Variants in PIK3AP1 observed in about 807,000 individuals in gnomAD.
The protein encoded by PIK3AP1 is phosphoinositide 3-kinase adapter protein 1.
Under a neutral mutation model 88.1 loss-of-function variants are expected in PIK3AP1, and 21 were observed. That is an observed-to-expected ratio of 0.24 (90% CI 0.17 to 0.34). The LOEUF (loss-of-function observed/expected upper bound fraction) is 0.34. PIK3AP1 is among the 10% of genes least tolerant of loss of function. The pLI is 1.00. For missense variants in PIK3AP1, 828 were observed against 1,035.7 expected (o/e 0.80, Z 2.75); for synonymous variants, 398 against 400.0 (o/e 1.00, Z 0.06).
intron 2 of PIK3AP1, among the ~76,000 whole-genome samples, chr10:96,703,599 A>G (rs1031660147): frequency 1.3e-5 from 2 of 152,190 alleles, no homozygotes; most frequent in South Asian, 4.1e-4. Context: ...TGAAGCAAAG[A>G]ATAGAGCCCC....
At chr10:96,670,595 G>C (rs1344771037) in intron 2 of PIK3AP1, among the ~76,000 whole-genome samples, 1 of 152,168 alleles carries the variant, frequency 6.6e-6, no homozygotes, top group Non-Finnish European at 1.5e-5. Flanking sequence ...TTCTATATGG[G>C]GGAAGGGCTG....
intron 2 of PIK3AP1, among the ~76,000 whole-genome samples, chr10:96,673,087 A>G: frequency 6.6e-6 from 1 of 152,230 alleles, no homozygotes; most frequent in East Asian, 1.9e-4. Flanking sequence ...GAACAGAAGG[A>G]ACAGCCACTC....
At position 96,643,398 on chromosome 10, in the gene PIK3AP1, T is replaced by G. The variant is rs141081778; in HGVS notation, c.1375+2075A>C. Among the ~76,000 whole-genome samples the G allele has an allele frequency of 4.0e-3, 603 of 152,304 alleles. 5 individuals carry two copies. Among genetic ancestry groups the G allele is most frequent in the Middle Eastern group, 0.014 (4 of 294 alleles). ...CCCTCTGTGCCTCTGTTTCCCCATTTGTAAAGTGCAGGTAAGAAAAGCATC... is the reference window on the plus strand; with the variant it reads ...CCCTCTGTGCCTCTGTTTCCCCATTGGTAAAGTGCAGGTAAGAAAAGCATC... On this transcript the variant is annotated intron_variant, in intron 8 of 16. Coordinates refer to ENST00000339364, the MANE Select transcript of PIK3AP1 (RefSeq NM_152309.3).
At chr10:96,630,372 C>T (rs1467883689) in intron 8 of PIK3AP1, among the ~76,000 whole-genome samples, 2 of 152,194 alleles carry the variant, frequency 1.3e-5, no homozygotes, top group African/African-American at 2.4e-5. Context: ...GGTAATTGTA[C>T]TAATCCTGAA....
intron 2 of PIK3AP1, among the ~76,000 whole-genome samples, chr10:96,657,889 C>G (rs924851643): frequency 1.3e-5 from 2 of 151,942 alleles, no homozygotes; most frequent in South Asian, 2.1e-4. Flanking sequence ...CATGGTGAAA[C>G]CCCGTCTCTA....
chr10:96,612,974 A>C, intron 13 of PIK3AP1, among the ~76,000 whole-genome samples: 1 of 84,870 alleles, frequency 1.2e-5, no homozygotes, highest in Non-Finnish European at 2.0e-5. Context: ...ATATATATAT[A>C]TATATATATT....
intron 9 of PIK3AP1, 37 bp downstream of exon 9, chr10:96,628,361 T>C (rs779696459): frequency 1.3e-6 from 2 of 1,497,916 alleles, no homozygotes; most frequent in Non-Finnish European, 1.9e-6. Flanking sequence ...GTTTCTCTTT[T>C]GCTCTTTTGG....
chr10:96,652,718 G>A lies in PIK3AP1; in HGVS notation c.692C>T (p.Thr231Ile). Residue 231 changes from threonine (T) to isoleucine (I), a missense_variant, in exon 4 of 17, where the codon ACC becomes ATC. Transcript: ENST00000339364. ...CTTACTGGGAGCCTTCACTGAAATG[G>A]TGTACTCATTCTCCACCTTGGCTTC... Reference protein sequence around the residue: ...RMEAKVENEYTISVKAPNLSS... With the variant: ...RMEAKVENEYIISVKAPNLSS... The A allele has an allele frequency of 6.2e-7, 1 of 1,614,142 alleles. No individual in the cohort carries two copies. The highest frequency in any genetic ancestry group is 8.5e-7 in the Non-Finnish European group (1 of 1,179,990).
At chr10:96,678,935 G>A (rs1424487530) in intron 2 of PIK3AP1, among the ~76,000 whole-genome samples, 2 of 152,130 alleles carry the variant, frequency 1.3e-5, no homozygotes, top group African/African-American at 4.8e-5. Flanking sequence ...AGGAGCACCT[G>A]GAAGGTTCTC....
intron 4 of PIK3AP1, 152 bp from the exon 5 acceptor site, chr10:96,651,803 G>A: frequency 2.3e-6 from 2 of 874,914 alleles, no homozygotes; most frequent in Middle Eastern, 3.1e-4. Flanking sequence ...CGGGAGTGAG[G>A]GAAAGGGTGG....
chr10:96,638,314 T>C (rs1375003278), intron 8 of PIK3AP1, among the ~76,000 whole-genome samples: 1 of 152,170 alleles, frequency 6.6e-6, no homozygotes, highest in Non-Finnish European at 1.5e-5. Context: ...CACAATGTTA[T>C]GATGCACAAG....
At chr10:96,712,830 TA>T (rs1334977273) in intron 1 of PIK3AP1, among the ~76,000 whole-genome samples, 1 of 152,222 alleles carries the variant, frequency 6.6e-6, no homozygotes, top group Non-Finnish European at 1.5e-5. Flanking sequence ...GAGCATTTTG[TA>T]AAAATGCAAA....
intron 2 of PIK3AP1, among the ~76,000 whole-genome samples, chr10:96,683,538 C>T (rs914437259): frequency 9.2e-5 from 14 of 152,208 alleles, no homozygotes; most frequent in African/African-American, 3.4e-4. Context: ...CCCATCTCAT[C>T]ACTTCTATAC....
intron 2 of PIK3AP1, among the ~76,000 whole-genome samples, chr10:96,704,929 T>C (rs899347765): frequency 6.6e-5 from 10 of 152,186 alleles, no homozygotes; most frequent in African/African-American, 2.4e-4. Flanking sequence ...TCCTCTACTC[T>C]ATTACCCACT....
intron 11 of PIK3AP1, among the ~76,000 whole-genome samples, chr10:96,621,911 C>T (rs1843089694): frequency 6.6e-6 from 1 of 152,208 alleles, no homozygotes. Flanking sequence ...GTTGTGACAA[C>T]CAAAATTCCC....
chr10:96,630,535 T>G (rs1190415876), intron 8 of PIK3AP1, among the ~76,000 whole-genome samples: 1 of 152,140 alleles, frequency 6.6e-6, no homozygotes, highest in Non-Finnish European at 1.5e-5. Context: ...ATTTTCCTCA[T>G]GGAGTTAGAA....
intron 11 of PIK3AP1, 21 bp from the exon 12 acceptor site, chr10:96,620,578 C>T (rs1017567429): frequency 3.1e-6 from 5 of 1,606,692 alleles, no homozygotes; most frequent in Non-Finnish European, 4.3e-6. Context: ...TGGCAAAACT[C>T]AGCTTGACAG....
At chr10:96,678,254 T>C (rs1005081576) in intron 2 of PIK3AP1, among the ~76,000 whole-genome samples, 2 of 152,110 alleles carry the variant, frequency 1.3e-5, no homozygotes, top group East Asian at 3.9e-4. Context: ...GCCAACATGA[T>C]GAAACCCCGT....
intron 11 of PIK3AP1, among the ~76,000 whole-genome samples, chr10:96,621,899 G>C (rs1843089578): frequency 6.6e-6 from 1 of 152,190 alleles, no homozygotes; most frequent in South Asian, 2.1e-4. Context: ...CCCCCTTCTT[G>C]AGTTGTGACA....
Sources: allele counts gnomAD v4.1 joint callset (sites outside exome capture counted in the v4.1 genomes callset), GRCh38; gene constraint gnomAD v4.1.1; transcripts MANE v1.5; gene names NCBI Gene and HGNC (gene_info 2026-07-23, HGNC 2026-07-21).